The following RAB3IL1 variants were observed in gnomAD, a reference collection of about 807,000 sequenced individuals.
RAB3IL1 encodes the protein guanine nucleotide exchange factor for Rab-3A.
RAB3IL1 carries 37 observed loss-of-function variants against 49.2 expected under a neutral mutation model. The ratio of observed to expected loss-of-function variants is 0.75; its 90% CI spans 0.58 to 0.99. The LOEUF is 0.99. Ranked by LOEUF, RAB3IL1 falls within the 50% of genes least tolerant of loss-of-function variation. The probability of loss-of-function intolerance (pLI) is 0.00; values close to 1 mark genes in which losing one functional copy is unlikely to be tolerated. For missense variants in RAB3IL1, 484 were observed against 513.0 expected, an observed-to-expected ratio of 0.94 and a Z score of 0.55; for synonymous variants, 193 against 213.9, an observed-to-expected ratio of 0.90 and a Z score of 0.85.
At chr11:61,920,023 C>A, upstream of RAB3IL1, 1 of 1,243,678 alleles carries the variant, frequency 8.0e-7, no homozygotes, top group Non-Finnish European at 1.0e-6. Flanking sequence ...CCCTCCATGC[C>A]CCAGGTCCTG....
At chr11:61,927,734 C>G in the RAB3IL1 span, among the ~76,000 whole-genome samples, 1 of 152,020 alleles carries the variant, frequency 6.6e-6, no homozygotes, top group Non-Finnish European at 1.5e-5. Flanking sequence ...CTCACAAGAT[C>G]TGGTTGTTTA....
chr11:61,942,329 G>A, the RAB3IL1 span, among the ~76,000 whole-genome samples: 59 of 152,266 alleles, frequency 3.9e-4, no homozygotes, highest in Non-Finnish European at 7.1e-4. Flanking sequence ...GTGGAAGGCC[G>A]CAGGGTCCTC....
At chr11:61,932,200 G>A in the RAB3IL1 span, among the ~76,000 whole-genome samples, 3 of 150,618 alleles carry the variant, frequency 2.0e-5, no homozygotes, top group African/African-American at 7.3e-5. Context: ...GCAGTGAGCC[G>A]AGATCTCACC....
At chr11:61,900,441 GCGGGA>G (rs1014020408) in intron 8 of RAB3IL1, among the ~76,000 whole-genome samples, 2 of 152,244 alleles carry the variant, frequency 1.3e-5, no homozygotes, top group African/African-American at 4.8e-5. Flanking sequence ...TCGGGGAGGG[GCGGGA>G]CGGTGGTGGC....
chr11:61,929,740 C>A, the RAB3IL1 span, among the ~76,000 whole-genome samples: 2 of 151,598 alleles, frequency 1.3e-5, no homozygotes, highest in Admixed American at 1.3e-4. Context: ...TGTGCACCAC[C>A]ACACCCAGCT....
upstream of RAB3IL1, among the ~76,000 whole-genome samples, chr11:61,918,920 G>A (rs1050068096): frequency 6.6e-6 from 1 of 152,136 alleles, no homozygotes; most frequent in Non-Finnish European, 1.5e-5. Flanking sequence ...CTTCCAGAGG[G>A]CAGGGATTCT....
chr11:61,920,232 G>A (rs1424730402), upstream of RAB3IL1: 6 of 1,241,930 alleles, frequency 4.8e-6, no homozygotes, highest in African/African-American at 1.5e-5. Flanking sequence ...GGAGGGTGCC[G>A]GGAAGGGAGG....
Position 61,904,546 on chromosome 11 carries a change from T to C in RAB3IL1, c.899A>G (p.Asn300Ser), listed in dbSNP as rs780548018. 5.6e-6 allele frequency: 9 copies of C among 1,605,914 alleles called. No homozygotes were observed. The highest frequency in any genetic ancestry group is 1.6e-4 in the Middle Eastern group (1 of 6,068). The change falls in exon 7 of 10, where the codon AAC (asparagine) becomes AGC (serine). Residue 300 changes from asparagine to serine, a missense_variant and splice_region_variant. Physicochemically the swap from Asn to Ser is conservative, Grantham distance 46 (BLOSUM62 1). Coordinates refer to ENST00000394836, the MANE Select transcript of RAB3IL1 (RefSeq NM_013401.4). ...GAAGGAGCTAAGACCCTCAGCTTAC[T>C]TGGTGCTGCTACAGTCAACCTCGGC... is the stretch of plus-strand genomic sequence containing the variant. ...KVAEVDCSST[N>S]TCALSGLTRT...
At chr11:61,934,359 T>C in the RAB3IL1 span, among the ~76,000 whole-genome samples, 1 of 132,066 alleles carries the variant, frequency 7.6e-6, no homozygotes, top group African/African-American at 3.1e-5. Context: ...CACATATGTA[T>C]ATATATACAC....
intron 5 of RAB3IL1, 37 bp from the exon 6 acceptor site, chr11:61,904,919 G>T: frequency 6.7e-7 from 1 of 1,497,666 alleles, no homozygotes; most frequent in Non-Finnish European, 9.1e-7. Context: ...GGGCGGTCAG[G>T]GTACTGGGGC....
intron 1 of RAB3IL1, among the ~76,000 whole-genome samples, chr11:61,916,361 C>T (rs1267351813): frequency 6.6e-6 from 1 of 151,840 alleles, no homozygotes; most frequent in East Asian, 1.9e-4. Flanking sequence ...AAAAAAAAGT[C>T]CCAAGCCTCT....
chr11:61,912,505 C>T (rs540499393), intron 1 of RAB3IL1, among the ~76,000 whole-genome samples: 5 of 152,342 alleles, frequency 3.3e-5, no homozygotes, highest in East Asian at 1.9e-4. Context: ...GCCACATCCA[C>T]GCCAGCCCAC....
chr11:61,912,489 C>T (rs61898566), intron 1 of RAB3IL1, among the ~76,000 whole-genome samples: 8,523 of 152,254 alleles, frequency 0.056, 336 homozygotes, highest in Non-Finnish European at 0.057. Context: ...GGTTCCCAAG[C>T]GCTAGGCCAC....
chr11:61,918,243 CCT>C (rs1184494099), upstream of RAB3IL1, among the ~76,000 whole-genome samples: 6 of 152,150 alleles, frequency 3.9e-5, no homozygotes, highest in African/African-American at 1.4e-4. Flanking sequence ...TCCCTCAGTT[CCT>C]CTGTCCCACC....
the RAB3IL1 span, among the ~76,000 whole-genome samples, chr11:61,934,343 CACACACACATAT>C: frequency 2.6e-5 from 3 of 113,230 alleles, no homozygotes; most frequent in South Asian, 5.4e-4. Flanking sequence ...CACACACACA[CACACACACATAT>C]GTATATATAT....
Position 61,906,461 on chromosome 11 carries a change from C to G in RAB3IL1, c.657+5G>C. The G allele has an allele frequency of 6.5e-7, 1 of 1,541,840 alleles. No homozygotes were observed. The highest frequency in any genetic ancestry group is 1.2e-5 in the South Asian group (1 of 83,948). ...CCGTGCCCAGAGCCCGCTTCCCACC[C>G]TCACCTCCTTGCCCTCTCTGTCTGG... is the stretch of plus-strand genomic sequence containing the variant. On this transcript the variant is annotated splice_donor_5th_base_variant and intron_variant, in intron 5 of 9. Transcript: ENST00000394836. This position sits in a 1 kb window ranked among gnomAD's most constrained non-coding sequence, Gnocchi z 4.6.
chr11:61,926,395 T>C, the RAB3IL1 span, among the ~76,000 whole-genome samples: 1 of 152,134 alleles, frequency 6.6e-6, no homozygotes, highest in African/African-American at 2.4e-5. Flanking sequence ...AGACATCTAA[T>C]TACAGCATGA....
chr11:61,921,834 C>G (rs1167665649), upstream of RAB3IL1, among the ~76,000 whole-genome samples: 1 of 152,166 alleles, frequency 6.6e-6, no homozygotes, highest in Non-Finnish European at 1.5e-5. Context: ...CTCTGGGACT[C>G]AGTTTCCTCA....
At chr11:61,938,525 T>C in the RAB3IL1 span, among the ~76,000 whole-genome samples, 1 of 152,158 alleles carries the variant, frequency 6.6e-6, no homozygotes, top group Non-Finnish European at 1.5e-5. Flanking sequence ...AAGGTTCAAT[T>C]CATCAAGAAG....
Sources: allele counts gnomAD v4.1 joint callset (sites outside exome capture counted in the v4.1 genomes callset), GRCh38; gene constraint gnomAD v4.1.1; non-coding constraint Gnocchi (gnomAD v3.1); transcripts MANE v1.5; gene names NCBI Gene and HGNC (gene_info 2026-07-23, HGNC 2026-07-21).